The following ARAP3 variants were observed in gnomAD, a reference collection of about 807,000 sequenced individuals.
The protein encoded by ARAP3 is ArfGAP with RhoGAP domain, ankyrin repeat and PH domain 3, also known as arf-GAP with Rho-GAP domain, ANK repeat and PH domain-containing protein 3.
A neutral mutation model predicts 169.2 loss-of-function variants in ARAP3; 82 were observed. The ratio of observed to expected loss-of-function variants is 0.48; its 90% confidence interval spans 0.41 to 0.58. The LOEUF is 0.58. Ranked by LOEUF, ARAP3 falls within the 20% of genes least tolerant of loss-of-function variation. The pLI is 0.00. For missense variants in ARAP3, 1,764 were observed against 2,018.0 expected (o/e 0.87, Z 2.41); for synonymous variants, 791 against 800.3 (o/e 0.99, Z 0.20).
Position 141,671,709 on chromosome 5 carries a change from G to C in ARAP3, c.1715C>G (p.Ala572Gly). ...TCCCTCACCTGGGGGTAGGGTCCCT[G>C]CCCAGAAGCGGTTGGCACGATCATT... ...LGNDRANRFW[A>G]GTLPPGEGLH... The change falls in exon 12 of 33, where the codon GCA becomes GGA. Residue 572 changes from alanine (A) to glycine (G), a missense_variant. By Grantham distance (60) the Ala-to-Gly change is moderately conservative. Coordinates refer to ENST00000239440, the MANE Select transcript of ARAP3 (RefSeq NM_022481.6). This position sits in a 1 kb window ranked among gnomAD's most constrained non-coding sequence, Gnocchi z 4.9. The C allele has an allele frequency of 6.2e-7, 1 of 1,609,656 alleles. No homozygotes were observed. The highest frequency in any genetic ancestry group is 8.5e-7 in the Non-Finnish European group (1 of 1,177,710).
Position 141,671,750 on chromosome 5 carries a change from T to C in ARAP3, c.1674A>G (p.Leu558=), listed in dbSNP as rs2154599062. ...TSVWSNEIVQ[L]FIVLGNDRAN... is the part of the protein sequence containing the mutation. The stretch of plus-strand genomic sequence containing the variant: ...CACGATCATTTCCCAGGACAATGAA[T>C]AACTGTGGGATGACAAGGGACAAAG... The change falls in exon 12 of 33, where the codon TTA becomes TTG. Residue 558 remains leucine, a splice_region_variant and synonymous_variant. Coordinates refer to ENST00000239440, the MANE Select transcript of ARAP3 (RefSeq NM_022481.6). This position sits in a 1 kb window ranked among gnomAD's most constrained non-coding sequence, Gnocchi z 4.9. The C allele has an allele frequency of 6.3e-7, 1 of 1,598,354 alleles. No homozygotes were observed.
rs925532268 is a variant in ARAP3 at position 141,666,455 on chromosome 5, G to A, written c.2541C>T (p.Asp847=). 6.3e-7 allele frequency: 1 copy of A among 1,593,130 alleles called. No individual in the cohort carries two copies. The highest frequency in any genetic ancestry group is 1.4e-5 in the African/African-American group (1 of 74,002). Residue 847 remains aspartate, a synonymous_variant, in exon 17 of 33, where the codon GAC becomes GAT. Transcript: ENST00000239440. ...APGPGPPAPE[D]MVHLRRLQEI... ...CCTGTAGCCGCCGCAGATGCACCAT[G>A]TCCTCAGGGGCTGGGGGGCCTGGGC...
chr5:141,658,614 C>G lies in ARAP3; in HGVS notation c.3376G>C (p.Glu1126Gln). The G allele has an allele frequency of 1.2e-6, 2 of 1,607,492 alleles. No individual in the cohort carries two copies. The highest frequency in any genetic ancestry group is 1.7e-6 in the Non-Finnish European group (2 of 1,178,510). Reference protein sequence around the residue: ...AGDLIMEVYIEQQLPDNCVTL... With the variant: ...AGDLIMEVYIQQQLPDNCVTL... Reference sequence around the variant, plus strand: ...ACACAGTTGTCTGGGAGCTGCTGCTCTATATAAACTTCCATGATGAGGTCT... The same window carrying G: ...ACACAGTTGTCTGGGAGCTGCTGCTGTATATAAACTTCCATGATGAGGTCT... The change falls in exon 24 of 33, where the codon GAG (glutamate) becomes CAG (glutamine). Residue 1126 changes from glutamate to glutamine, a missense_variant. Glu to Gln is a conservative substitution (Grantham distance 29, BLOSUM62 2). Transcript: ENST00000239440.
chr5:141,680,251 A>C lies in ARAP3; in HGVS notation c.236T>G (p.Met79Arg), dbSNP rs150639376. Residue 79 changes from methionine to arginine, a missense_variant, in exon 2 of 33, where the codon ATG becomes AGG. This residue lies in a region of ARAP3 where 630 missense variants were observed against 678.7 expected (regional missense o/e 0.93). Transcript: ENST00000239440. ...GSLDPKSDSAMEPSPSPAPQA... is the reference protein window; with the variant it reads ...GSLDPKSDSAREPSPSPAPQA... ...CGGGGCTGGGCTGGGGGATGGTTCC[A>C]TGGCACTATCTGATTTGGGATCCAG... 3 of 1,614,004 alleles carry C rather than the reference A, an allele frequency of 1.9e-6. No individual in the cohort carries two copies. The African/African-American group carries it at 4.0e-5, about 22-fold the overall frequency.
intron 27 of ARAP3, 65 bp from the exon 28 acceptor site, chr5:141,656,341 G>A (rs577518826): frequency 1.6e-5 from 26 of 1,601,232 alleles, no homozygotes; most frequent in South Asian, 2.2e-5. Flanking sequence ...AGGTCAAGAC[G>A]TCATGGAAGC....
In ARAP3 at chr5:141,669,658, G is replaced by A. The variant is rs752540497; in HGVS notation, c.2352+51C>T. The A allele has an allele frequency of 1.3e-5, 20 of 1,548,924 alleles. 1 individual carries two copies. The highest frequency in any genetic ancestry group is 2.3e-5 in the East Asian group (1 of 44,440). On this transcript the variant is annotated intron_variant, in intron 16 of 32. Transcript: ENST00000239440. ...ATAAGAGAGGAGAAGATGGGAGCAC[G>A]TGGGGACAAGGAAAGCATGAGATGC...
chr5:141,658,403 A>G lies in ARAP3; in HGVS notation c.3488T>C (p.Leu1163Ser). The change falls in exon 25 of 33, where the codon TTG becomes TCG. Residue 1163 changes from leucine to serine, a missense_variant. By Grantham distance (145) the Leu-to-Ser change is moderately radical. Coordinates refer to ENST00000239440, the MANE Select transcript of ARAP3 (RefSeq NM_022481.6). ...EMRGTAAGMD[L>S]WVTFEIREHG... The stretch of plus-strand genomic sequence containing the variant: ...CTCGCGAATCTCAAAAGTCACCCAC[A>G]AGTCCATCCCAGCTGCTGTCCCCCG... 1 of 1,613,966 alleles carries G rather than the reference A, an allele frequency of 6.2e-7. No individual in the cohort carries two copies. Among genetic ancestry groups the G allele is most frequent in the Non-Finnish European group, 8.5e-7 (1 of 1,180,018 alleles).
rs762034810 is a variant in ARAP3 at position 141,680,177 on chromosome 5, C to T, written c.310G>A (p.Gly104Arg). The T allele has an allele frequency of 1.9e-6, 3 of 1,608,070 alleles. No individual in the cohort carries two copies. The highest frequency in any genetic ancestry group is 2.2e-5 in the East Asian group (1 of 44,782). Reference protein sequence around the residue: ...PVPKPRTVFGGLSGPATTQRP... With the variant: ...PVPKPRTVFGRLSGPATTQRP... ...TGAGTGGTGGCAGGGCCACTGAGTC[C>T]ACCAAACACGGTCCTGGGCTTCGGC... Residue 104 changes from glycine (G) to arginine (R), a missense_variant, in exon 2 of 33, where the codon GGA becomes AGA. Coordinates refer to ENST00000239440, the MANE Select transcript of ARAP3 (RefSeq NM_022481.6).
intron 4 of ARAP3, among the ~76,000 whole-genome samples, chr5:141,674,961 C>T (rs1461628196): frequency 6.6e-6 from 1 of 152,210 alleles, no homozygotes; most frequent in South Asian, 2.1e-4. Context: ...TTGCAGGAAG[C>T]CCTTCAATAA....
Position 141,654,369 on chromosome 5 carries a change from G to C in ARAP3, c.4216C>G (p.Pro1406Ala). The C allele has an allele frequency of 6.2e-7, 1 of 1,613,586 alleles. No individual in the cohort carries two copies. Among genetic ancestry groups the C allele is most frequent in the South Asian group, 1.1e-5 (1 of 91,054 alleles). Reference protein sequence around the residue: ...EELEEPVYEEPVYEEVGAFPE... With the variant: ...EELEEPVYEEAVYEEVGAFPE... ...AAGGCCCCTACTTCCTCATACACTG[G>C]CTCCTCGTACACAGGCTCCTCCAGC... The change falls in exon 33 of 33, where the codon CCA becomes GCA. Residue 1406 changes from proline (P) to alanine (A), a missense_variant. Physicochemically the swap from Pro to Ala is conservative, Grantham distance 27. Coordinates refer to ENST00000239440, the MANE Select transcript of ARAP3 (RefSeq NM_022481.6).
intron 20 of ARAP3, 120 bp from the exon 21 acceptor site, chr5:141,661,909 TC>T: frequency 2.0e-6 from 3 of 1,478,264 alleles, no homozygotes; most frequent in Non-Finnish European, 1.9e-6. Context: ...CCTTCCCACC[TC>T]CCCCTGAGCC....
chr5:141,666,052 A>AATAAT (rs1554224248), intron 17 of ARAP3, among the ~76,000 whole-genome samples: 12 of 140,856 alleles, frequency 8.5e-5, no homozygotes, highest in African/African-American at 3.0e-4. Flanking sequence ...AAAAAAAAAA[A>AATAAT]AATAATAATA....
In ARAP3 at chr5:141,680,415, C is replaced by T. The variant is rs533562139; in HGVS notation, c.72G>A (p.Thr24=). ...CTGTAGCCAGGCCATGCCGTCGGAA[C>T]GTGTCTGCATACTGCTCCAGGTGCA... ...ATVHLEQYAD[T]FRRHGLATAG... Residue 24 remains threonine (T), a synonymous_variant, in exon 2 of 33, where the codon ACG becomes ACA. Transcript: ENST00000239440. 54 of 1,613,494 alleles carry T rather than the reference C, an allele frequency of 3.3e-5. No homozygotes were observed. In the South Asian group the frequency reaches 4.5e-4, roughly 13 times the overall value.
chr5:141,663,447 G>A (rs2099910234), intron 19 of ARAP3, among the ~76,000 whole-genome samples: 2 of 152,190 alleles, frequency 1.3e-5, no homozygotes, highest in South Asian at 4.1e-4. Context: ...CCGCCACCAT[G>A]GCTGGCTAAT....
chr5:141,669,939 G>A lies in ARAP3; in HGVS notation c.2232C>T (p.Pro744=), dbSNP rs781772825. The A allele has an allele frequency of 2.5e-6, 4 of 1,600,634 alleles. No homozygotes were observed. Among genetic ancestry groups the A allele is most frequent in the African/African-American group, 2.7e-5 (2 of 74,032 alleles). ...GCTATTACCTGTCACCTGGGTCAGTGGGTGGGGGGCTCACACCCAGACATA... is the reference window on the plus strand; with the variant it reads ...GCTATTACCTGTCACCTGGGTCAGTAGGTGGGGGGCTCACACCCAGACATA... ...DIVCLGVSPP[P]TDPGDRFPFS... The change falls in exon 15 of 33, where the codon CCC becomes CCT. Residue 744 remains proline (P), a synonymous_variant. Coordinates refer to ENST00000239440, the MANE Select transcript of ARAP3 (RefSeq NM_022481.6).
At position 141,680,460 on chromosome 5, in the gene ARAP3, G is replaced by A. The variant is rs374679774; in HGVS notation, c.27C>T (p.Ile9=). The A allele has an allele frequency of 1.2e-5, 19 of 1,605,418 alleles. No individual in the cohort carries two copies. The highest frequency in any genetic ancestry group is 5.3e-5 in the African/African-American group (4 of 74,906). ...GGTGCACCGTGGCCAGCCACACAGCGATGTCCAGGTCCTGAGGGGCAGCCA... is the reference window on the plus strand; with the variant it reads ...GGTGCACCGTGGCCAGCCACACAGCAATGTCCAGGTCCTGAGGGGCAGCCA... MAAPQDLD[I]AVWLATVHLE... is the part of the protein sequence containing the mutation. The change falls in exon 2 of 33, where the codon ATC becomes ATT. Residue 9 remains isoleucine, a synonymous_variant. Transcript: ENST00000239440.
Position 141,671,270 on chromosome 5 carries a change from G to A in ARAP3, c.1985C>T (p.Pro662Leu). 1 of 1,605,206 alleles carries A rather than the reference G, an allele frequency of 6.2e-7. No homozygotes were observed. The highest frequency in any genetic ancestry group is 2.2e-5 in the East Asian group (1 of 44,796). The change falls in exon 13 of 33, where the codon CCC becomes CTC. Residue 662 changes from proline to leucine, a missense_variant. Transcript: ENST00000239440. This position sits in a 1 kb window ranked among gnomAD's most constrained non-coding sequence, Gnocchi z 4.9. ...GAGGCACTTGGGGGAATGACCTGAG[G>A]GCAAGAGGCCAGGGCAGCTGCCATC... ...APDGSCPGLL[P>L]SDPSPGVYNE...
At position 141,672,900 on chromosome 5, in the gene ARAP3, C is replaced by G; in HGVS notation, c.1119G>C (p.Thr373=). The G allele has an allele frequency of 6.2e-7, 1 of 1,608,980 alleles. No homozygotes were observed. The highest frequency in any genetic ancestry group is 1.1e-5 in the South Asian group (1 of 90,458). ...SEAQRDMWCS[T]LQSCLKEQRL... ...GCTGCTCCTTCAGACAGGACTGCAGCGTGGAGCACCACATGTCCCGCTGAG... is the reference window on the plus strand; with the variant it reads ...GCTGCTCCTTCAGACAGGACTGCAGGGTGGAGCACCACATGTCCCGCTGAG... Residue 373 remains threonine (T), a synonymous_variant, in exon 8 of 33, where the codon ACG becomes ACC. Transcript: ENST00000239440. The surrounding 1 kb of genome is among the most constrained non-coding windows in gnomAD (Gnocchi z 4.9).
At chr5:141,681,920 G>C (rs978052047) in intron 1 of ARAP3, among the ~76,000 whole-genome samples, 2 of 152,002 alleles carry the variant, frequency 1.3e-5, no homozygotes, top group South Asian at 2.1e-4. Context: ...ACAGCACGGG[G>C]CTGGGAGCTG....
Sources: allele counts gnomAD v4.1 joint callset (sites outside exome capture counted in the v4.1 genomes callset), GRCh38; gene constraint gnomAD v4.1.1; regional missense constraint gnomAD v4.1.1; non-coding constraint Gnocchi (gnomAD v3.1); transcripts MANE v1.5; gene names NCBI Gene and HGNC (gene_info 2026-07-23, HGNC 2026-07-21).